The following ZSWIM6 variants were observed in gnomAD, a reference collection of about 807,000 sequenced individuals.
ZSWIM6 encodes zinc finger SWIM domain-containing protein 6.
ZSWIM6 carries 9 observed loss-of-function variants against 113.2 expected under a neutral mutation model. The observed-to-expected ratio is 0.08, with a 90% CI of 0.05 to 0.14. The LOEUF is 0.14. ZSWIM6 is among the 10% of genes least tolerant of loss of function. ZSWIM6 has a pLI of 1.00. For missense variants in ZSWIM6, 1,162 were observed against 1,552.2 expected, an observed-to-expected ratio of 0.75 and a Z score of 4.22; for synonymous variants, 611 against 606.5, an observed-to-expected ratio of 1.01 and a Z score of -0.11.
intron 1 of ZSWIM6, among the ~76,000 whole-genome samples, chr5:61,339,793 T>C (rs1412410151): frequency 6.6e-6 from 1 of 152,234 alleles, no homozygotes; most frequent in Non-Finnish European, 1.5e-5. Context: ...ATTTTTAAAA[T>C]AGTGCTTTGT....
At chr5:61,473,591 C>T (rs1025803324) in intron 2 of ZSWIM6, among the ~76,000 whole-genome samples, 4 of 151,988 alleles carry the variant, frequency 2.6e-5, no homozygotes, top group South Asian at 2.1e-4. Context: ...ACGTATTTAT[C>T]GAGTATTTAT....
intron 1 of ZSWIM6, chr5:61,375,072 G>A (rs1745343691): frequency 1.3e-6 from 2 of 1,572,494 alleles, no homozygotes; most frequent in East Asian, 2.2e-5. Context: ...TCTCCGGCCC[G>A]GTTTCCCTCG....
chr5:61,389,657 T>C lies in ZSWIM6; in HGVS notation c.676+56709T>C, dbSNP rs1048944619. ...AAGGTCTAAATGCATTTGGAAATTATCACGTGGACCAAAAAATCTTGAATC... is the reference window on the plus strand; with the variant it reads ...AAGGTCTAAATGCATTTGGAAATTACCACGTGGACCAAAAAATCTTGAATC... On this transcript the variant is annotated intron_variant, in intron 1 of 13. Coordinates refer to ENST00000252744, the MANE Select transcript of ZSWIM6 (RefSeq NM_020928.2). Among the ~76,000 whole-genome samples the C allele has an allele frequency of 2.0e-5, 3 of 151,722 alleles. No individual in the cohort carries two copies. In the East Asian group the frequency reaches 5.8e-4, roughly 29 times the overall value.
At position 61,543,378 on chromosome 5, in the gene ZSWIM6, G is replaced by C. The variant is rs1467333592; in HGVS notation, c.2786-77G>C. ...ATGATGGTTAACAATGTAAACACTG[G>C]TTGTAAAAGTCAAAATAAGGCAGGA... On this transcript the variant is annotated intron_variant, in intron 13 of 13. Coordinates refer to ENST00000252744, the MANE Select transcript of ZSWIM6 (RefSeq NM_020928.2). This position sits in a 1 kb window ranked among gnomAD's most constrained non-coding sequence, Gnocchi z 4.3. The C allele has an allele frequency of 1.3e-5, 19 of 1,460,156 alleles. No homozygotes were observed. Among genetic ancestry groups the C allele is most frequent in the East Asian group, 2.5e-5 (1 of 40,180 alleles). 90.4% of individuals were successfully genotyped at this position (1,460,156 alleles called of 1,614,324 possible).
rs375194815 is a variant in ZSWIM6 at position 61,387,254 on chromosome 5, A to G, written c.676+54306A>G. Among the ~76,000 whole-genome samples the G allele has an allele frequency of 2.7e-4, 41 of 152,352 alleles. No homozygotes were observed. In the South Asian group the frequency reaches 8.3e-3, roughly 31 times the overall value. On this transcript the variant is annotated intron_variant, in intron 1 of 13. Transcript: ENST00000252744. ...GCATATTTATATAAGTTGCCTGAAA[A>G]CTAGGGTTGTGTCCATTCCATGTTC...
intron 1 of ZSWIM6, among the ~76,000 whole-genome samples, chr5:61,351,538 A>T (rs1744783132): frequency 6.6e-6 from 1 of 152,216 alleles, no homozygotes; most frequent in South Asian, 2.1e-4. Context: ...AAGATTTACA[A>T]ATAAATTATT....
intron 2 of ZSWIM6, among the ~76,000 whole-genome samples, chr5:61,483,611 G>A (rs1747936572): frequency 6.6e-6 from 1 of 151,588 alleles, no homozygotes; most frequent in African/African-American, 2.4e-5. Flanking sequence ...GCTCACACCT[G>A]TAATCCCAGC....
chr5:61,523,488 C>A (rs1749190063), intron 5 of ZSWIM6, among the ~76,000 whole-genome samples: 1 of 152,070 alleles, frequency 6.6e-6, no homozygotes. Context: ...AAAAATATCT[C>A]CTTTTTACTT....
intron 1 of ZSWIM6, among the ~76,000 whole-genome samples, chr5:61,351,066 C>T (rs1171296799): frequency 6.6e-6 from 1 of 152,140 alleles, no homozygotes; most frequent in African/African-American, 2.4e-5. Context: ...ACCATTAAAA[C>T]ACAAATTTCT....
At chr5:61,527,949 T>A (rs1414444875) in intron 7 of ZSWIM6, among the ~76,000 whole-genome samples, 1 of 152,204 alleles carries the variant, frequency 6.6e-6, no homozygotes, top group Non-Finnish European at 1.5e-5. Flanking sequence ...TAGACTCCTT[T>A]GATTGTCTTT....
At chr5:61,448,689 G>C (rs1039405616) in intron 1 of ZSWIM6, among the ~76,000 whole-genome samples, 2 of 152,110 alleles carry the variant, frequency 1.3e-5, no homozygotes, top group African/African-American at 2.4e-5. Context: ...GATACACTTA[G>C]TGTCAGTACA....
chr5:61,360,286 C>G (rs1441647475), intron 1 of ZSWIM6, among the ~76,000 whole-genome samples: 1 of 152,226 alleles, frequency 6.6e-6, no homozygotes, highest in Non-Finnish European at 1.5e-5. Context: ...CAGTGTTTCC[C>G]ATGGGTGGAA....
intron 1 of ZSWIM6, among the ~76,000 whole-genome samples, chr5:61,418,380 G>A (rs1746295245): frequency 6.6e-6 from 1 of 152,006 alleles, no homozygotes; most frequent in Non-Finnish European, 1.5e-5. Flanking sequence ...TGATTCTCCT[G>A]CCTCAGCGTC....
chr5:61,455,927 G>C (rs1429597336), intron 1 of ZSWIM6, among the ~76,000 whole-genome samples: 1 of 150,706 alleles, frequency 6.6e-6, no homozygotes, highest in African/African-American at 2.4e-5. Flanking sequence ...CTGGTTTCAA[G>C]AATAAACCTT....
At chr5:61,399,606 A>G (rs1283991194) in intron 1 of ZSWIM6, among the ~76,000 whole-genome samples, 1 of 152,208 alleles carries the variant, frequency 6.6e-6, no homozygotes, top group Non-Finnish European at 1.5e-5. Flanking sequence ...GGACACATGT[A>G]CAGTATCAGT....
At chr5:61,362,297 C>G (rs998773988) in intron 1 of ZSWIM6, among the ~76,000 whole-genome samples, 1 of 151,932 alleles carries the variant, frequency 6.6e-6, no homozygotes, top group African/African-American at 2.4e-5. Flanking sequence ...CTCCCGGATT[C>G]AAGCAATTCT....
intron 1 of ZSWIM6, among the ~76,000 whole-genome samples, chr5:61,363,532 C>T (rs1342511834): frequency 2.0e-5 from 3 of 152,082 alleles, no homozygotes; most frequent in Non-Finnish European, 4.4e-5. Flanking sequence ...TTAGACTCAA[C>T]ATATTTTCTA....
chr5:61,420,428 TATA>T, intron 1 of ZSWIM6, among the ~76,000 whole-genome samples: 1 of 152,238 alleles, frequency 6.6e-6, no homozygotes, highest in African/African-American at 2.4e-5. Context: ...AAAGATCACT[TATA>T]ATAAGGTTTT....
chr5:61,463,516 G>T (rs1438603009), intron 1 of ZSWIM6, among the ~76,000 whole-genome samples: 1 of 152,206 alleles, frequency 6.6e-6, no homozygotes, highest in South Asian at 2.1e-4. Context: ...ATGGGGTCCA[G>T]CAATCTTTGT....
Sources: gnomAD v4.1 joint callset for allele counts (sites outside exome capture counted in the v4.1 genomes callset) on GRCh38, gnomAD v4.1.1 for gene constraint, Gnocchi (gnomAD v3.1) non-coding constraint, MANE v1.5 for transcripts, NCBI Gene and HGNC (gene_info 2026-07-23, HGNC 2026-07-21) for gene names.